Variants in LEKR1 observed in about 807,000 individuals in gnomAD.
LEKR1 encodes protein LEKR1.
A neutral mutation model predicts 72.4 loss-of-function variants in LEKR1; 59 were observed. The observed-to-expected ratio is 0.82, with a 90% confidence interval of 0.66 to 1.01. LEKR1 has a LOEUF of 1.01. Ranked by LOEUF, LEKR1 falls within the 50% of genes least tolerant of loss-of-function variation. The pLI is 0.00. For synonymous variants in LEKR1, 257 were observed against 263.2 expected (o/e 0.98, Z 0.23); for missense variants, 728 against 759.2 (o/e 0.96, Z 0.48).
chr3:156,867,378 T>C (rs894910315), intron 3 of LEKR1, among the ~76,000 whole-genome samples: 4 of 152,098 alleles, frequency 2.6e-5, no homozygotes, highest in Non-Finnish European at 5.9e-5. Flanking sequence ...AACTCATTTC[T>C]ATATGTCAAA....
chr3:157,005,479 A>G (rs1732350618), intron 9 of LEKR1, among the ~76,000 whole-genome samples: 1 of 152,158 alleles, frequency 6.6e-6, no homozygotes, highest in South Asian at 2.1e-4. Flanking sequence ...TCTGATAACA[A>G]AACCTGACAA....
intron 7 of LEKR1, among the ~76,000 whole-genome samples, chr3:156,983,251 G>A (rs1344349043): frequency 2.0e-5 from 3 of 152,146 alleles, no homozygotes; most frequent in Admixed American, 2.0e-4. Context: ...CAGGTGAAGA[G>A]CAATTGAGTG....
At chr3:156,866,181 T>A (rs1467677039) in intron 3 of LEKR1, among the ~76,000 whole-genome samples, 1 of 152,060 alleles carries the variant, frequency 6.6e-6, no homozygotes. Context: ...CTCCTTTGTC[T>A]GATATTTGTA....
At chr3:156,999,652 A>G (rs1203797320) in intron 9 of LEKR1, among the ~76,000 whole-genome samples, 2 of 152,088 alleles carry the variant, frequency 1.3e-5, no homozygotes, top group African/African-American at 4.8e-5. Context: ...TTTCTTGCAT[A>G]AGTTTGCCAT....
intron 3 of LEKR1, among the ~76,000 whole-genome samples, chr3:156,914,745 G>A (rs1723437856): frequency 2.6e-5 from 4 of 151,952 alleles, no homozygotes; most frequent in Admixed American, 2.6e-4. Context: ...TAATTAGCTT[G>A]TTGTAGAAAC....
chr3:156,886,890 T>C (rs941736662), intron 3 of LEKR1, among the ~76,000 whole-genome samples: 4 of 152,240 alleles, frequency 2.6e-5, no homozygotes, highest in Non-Finnish European at 5.9e-5. Context: ...GTTAATCTAA[T>C]TTAGAATCAT....
rs886702588 is a variant in LEKR1, at chr3:156,884,451, G to A, written c.263+31469G>A. On this transcript the variant is annotated intron_variant, in intron 3 of 12. Transcript: ENST00000356539. ...GTTTCAAAATTTTGAATTCCTTTTA[G>A]CATTTCTTGTAGTAATGGCTTAATA... is the stretch of plus-strand genomic sequence containing the variant. Among the ~76,000 whole-genome samples the A allele has an allele frequency of 6.6e-5, 10 of 151,926 alleles. 1 individual carries two copies. The highest frequency in any genetic ancestry group is 2.2e-4 in the African/African-American group (9 of 41,354).
intron 12 of LEKR1, among the ~76,000 whole-genome samples, chr3:157,042,625 A>G (rs1017782078): frequency 6.6e-6 from 1 of 152,162 alleles, no homozygotes; most frequent in African/African-American, 2.4e-5. Context: ...TGTTTTCTCC[A>G]GATCATTACT....
At chr3:156,997,029 C>T (rs1731636374) in intron 9 of LEKR1, among the ~76,000 whole-genome samples, 1 of 150,952 alleles carries the variant, frequency 6.6e-6, no homozygotes, top group Non-Finnish European at 1.5e-5. Context: ...TGCACCATTG[C>T]ACTCCAGCCT....
intron 4 of LEKR1, among the ~76,000 whole-genome samples, chr3:156,922,476 T>C (rs1433651712): frequency 6.6e-6 from 1 of 152,176 alleles, no homozygotes; most frequent in Non-Finnish European, 1.5e-5. Context: ...TAATCATCTT[T>C]ATTTATGGAG....
intron 10 of LEKR1, among the ~76,000 whole-genome samples, chr3:157,015,027 T>C (rs1328624248): frequency 6.6e-6 from 1 of 152,122 alleles, no homozygotes; most frequent in African/African-American, 2.4e-5. Flanking sequence ...AACAATTGTT[T>C]CAAGATATTG....
At chr3:156,924,536 G>A (rs575827906) in intron 4 of LEKR1, 13 of 669,274 alleles carry the variant, frequency 1.9e-5, no homozygotes, top group South Asian at 8.2e-5. Context: ...TGTCTAAGCC[G>A]GTCAGAAGGA....
At chr3:156,877,252 A>G (rs1313738123) in intron 3 of LEKR1, among the ~76,000 whole-genome samples, 3 of 151,922 alleles carry the variant, frequency 2.0e-5, no homozygotes, top group Non-Finnish European at 4.4e-5. Context: ...TTTTGCATCT[A>G]TGTCCATCAG....
At chr3:156,935,943 G>A (rs1225700948) in intron 5 of LEKR1, among the ~76,000 whole-genome samples, 3 of 152,080 alleles carry the variant, frequency 2.0e-5, no homozygotes. Context: ...ATAGTGAAAT[G>A]AACATTTTAA....
chr3:156,965,021 T>A (rs1395608947), intron 6 of LEKR1, among the ~76,000 whole-genome samples: 1 of 152,186 alleles, frequency 6.6e-6, no homozygotes, highest in Admixed American at 6.5e-5. Context: ...ATTTTCTGGT[T>A]TTGAAAAATC....
intron 5 of LEKR1, among the ~76,000 whole-genome samples, chr3:156,938,189 C>T (rs976420192): frequency 3.3e-5 from 5 of 151,968 alleles, no homozygotes; most frequent in Non-Finnish European, 7.4e-5. Flanking sequence ...TTGGTAAAAT[C>T]GGAGTAAGTT....
intron 9 of LEKR1, among the ~76,000 whole-genome samples, chr3:157,009,201 A>C (rs1576989657): frequency 6.6e-6 from 1 of 152,176 alleles, no homozygotes; most frequent in East Asian, 1.9e-4. Context: ...AAGAATAAAA[A>C]TAAGTAAAAT....
chr3:157,039,296 TA>T (rs59416635), intron 12 of LEKR1, among the ~76,000 whole-genome samples: 6 of 152,138 alleles, frequency 3.9e-5, no homozygotes, highest in Non-Finnish European at 5.9e-5. Flanking sequence ...ACTCTATTTT[TA>T]AAAAAAGAAA....
At chr3:156,976,170 C>A (rs536202600) in intron 6 of LEKR1, among the ~76,000 whole-genome samples, 1 of 152,258 alleles carries the variant, frequency 6.6e-6, no homozygotes, top group Non-Finnish European at 1.5e-5. Context: ...GTTTATATTT[C>A]ATTCAGAAGA....
Sources: allele counts gnomAD v4.1 joint callset (sites outside exome capture counted in the v4.1 genomes callset), GRCh38; gene constraint gnomAD v4.1.1; transcripts MANE v1.5; gene names NCBI Gene and HGNC (gene_info 2026-07-23, HGNC 2026-07-21).